The following PPIB variants were observed in gnomAD, a reference collection of about 807,000 sequenced individuals.
The protein encoded by PPIB is peptidylprolyl isomerase B.
PPIB carries 15 observed loss-of-function variants against 20.1 expected under a neutral mutation model. The observed-to-expected ratio is 0.75, with a 90% CI of 0.50 to 1.15. The LOEUF (loss-of-function observed/expected upper bound fraction) is 1.15. PPIB is among the 50% of genes most tolerant of loss of function. The probability of loss-of-function intolerance (pLI) is 0.00; values close to 1 mark genes in which losing one functional copy is unlikely to be tolerated. For missense variants in PPIB, 278 were observed against 283.0 expected (o/e 0.98, Z 0.13); for synonymous variants, 129 against 111.0 (o/e 1.16, Z -1.02).
chr15:64,160,227 T>G lies in PPIB; in HGVS notation c.250-30A>C. ...AAAAAGGGAAGAGAAGGTAAGGAGG[T>G]GGTATGGGGCAGCAGGAAGACATTA... On this transcript the variant is annotated intron_variant, in intron 2 of 4. Transcript: ENST00000300026. The surrounding 1 kb of genome is among the most constrained non-coding windows in gnomAD (Gnocchi z 4.8). The G allele has an allele frequency of 6.5e-7, 1 of 1,547,022 alleles. No individual in the cohort carries two copies. Among genetic ancestry groups the G allele is most frequent in the Non-Finnish European group, 8.9e-7 (1 of 1,119,116 alleles).
Position 64,156,658 on chromosome 15 carries a change from G to A in PPIB, c.528+67C>T, listed in dbSNP as rs1022506470. 5 of 1,583,516 alleles carry A rather than the reference G, an allele frequency of 3.2e-6. No homozygotes were observed. The African/African-American group carries it at 5.4e-5, about 17-fold the overall frequency. ...AAAGGGATGGACACATGGAGCTCCT[G>A]CCCTGGGGTCTGTGTTGAATCCCCG... is the stretch of plus-strand genomic sequence containing the variant. On this transcript the variant is annotated intron_variant, in intron 4 of 4. Transcript: ENST00000300026. The surrounding 1 kb of genome is among the most constrained non-coding windows in gnomAD (Gnocchi z 6.4).
chr15:64,162,811 C>T (rs780639176), intron 1 of PPIB, 41 bp downstream of exon 1: 121 of 1,598,542 alleles, frequency 7.6e-5, no homozygotes, highest in Non-Finnish European at 1.0e-4. Context: ...GCCGCCCGGG[C>T]CCGAGCTCCG....
chr15:64,156,547 G>T lies in PPIB; in HGVS notation c.528+178C>A. ...TGGCTGGGCTCTGAGGGGGCTGGAA[G>T]AATTTAGAACCTTGGAGGCATGGAG... is the stretch of plus-strand genomic sequence containing the variant. On this transcript the variant is annotated intron_variant, in intron 4 of 4. Transcript: ENST00000300026. This position sits in a 1 kb window ranked among gnomAD's most constrained non-coding sequence, Gnocchi z 6.4. The T allele has an allele frequency of 1.2e-6, 1 of 825,370 alleles. No homozygotes were observed. 51.1% of individuals were successfully genotyped at this position (825,370 alleles called of 1,614,324 possible). A position where few individuals can be genotyped will look rare whatever the true frequency, so the allele number is the denominator to read the frequency against.
rs559300402 is a variant in PPIB, at chr15:64,163,022, G to A, written c.-36C>T. 6.2e-6 allele frequency: 10 copies of A among 1,608,228 alleles called. No individual in the cohort carries two copies. Among genetic ancestry groups the A allele is most frequent in the East Asian group, 2.2e-5 (1 of 44,686 alleles). On this transcript the variant is annotated 5_prime_UTR_variant, in exon 1 of 5. Transcript: ENST00000300026. ...AGGCGAAAGCAGCCCGGACAGCTGA[G>A]GCCGGAAGAGGGTGGGGCCGCGGTG...
rs1403135304 is a variant in PPIB, at chr15:64,157,046, G to A, written c.344-137C>T. 3.2e-6 allele frequency: 3 copies of A among 934,510 alleles called. No homozygotes were observed. The highest frequency in any genetic ancestry group is 4.8e-6 in the Non-Finnish European group (3 of 629,994). The allele number at this position is 934,510 out of a possible 1,614,324, so 57.9% of individuals were successfully genotyped here. ...AGTGGACTACAAGGACATAAAAGCA[G>A]CGTCCTTCCTATCTTCTGGCCTCAG... On this transcript the variant is annotated intron_variant, in intron 3 of 4. Coordinates refer to ENST00000300026, the MANE Select transcript of PPIB (RefSeq NM_000942.5). The surrounding 1 kb of genome is among the most constrained non-coding windows in gnomAD (Gnocchi z 4.2).
chr15:64,159,024 A>G lies in PPIB; in HGVS notation c.343+1080T>C, dbSNP rs2081550412. Among the ~76,000 whole-genome samples, 1 of 152,156 alleles carries G rather than the reference A, an allele frequency of 6.6e-6. No individual in the cohort carries two copies. Among genetic ancestry groups the G allele is most frequent in the African/African-American group, 2.4e-5 (1 of 41,424 alleles). On this transcript the variant is annotated intron_variant, in intron 3 of 4. Transcript: ENST00000300026. The surrounding 1 kb of genome is among the most constrained non-coding windows in gnomAD (Gnocchi z 5.1). ...GGACTCACTTGCCTGAGGTCACAAA[A>G]CAAGAAGGTGGCAGACACTGGATCG...
Position 64,161,725 on chromosome 15 carries a change from C to CAAA in PPIB, c.249+313_249+315dup, listed in dbSNP as rs553065605. On this transcript the variant is annotated intron_variant, in intron 2 of 4. Coordinates refer to ENST00000300026, the MANE Select transcript of PPIB (RefSeq NM_000942.5). This position sits in a 1 kb window ranked among gnomAD's most constrained non-coding sequence, Gnocchi z 4.2. ...AGGCGACAAGAGTGAAACTCCGTCT[C>CAAA]AAAAAAAAAAAAAAATTTGCGGGGG... 2.2e-5 allele frequency among the ~76,000 whole-genome samples: 3 copies of CAAA among 135,178 alleles called. No homozygotes were observed. Among genetic ancestry groups the CAAA allele is most frequent in the Admixed American group, 1.5e-4 (2 of 13,200 alleles). The allele number at this position is 135,178 out of a possible 152,430, so 88.7% of individuals were successfully genotyped here.
Position 64,156,853 on chromosome 15 carries a change from C to T in PPIB, c.400G>A (p.Gly134Arg), listed in dbSNP as rs1174043128. The T allele has an allele frequency of 5.0e-6, 8 of 1,614,206 alleles. No homozygotes were observed. Among genetic ancestry groups the T allele is most frequent in the East Asian group, 4.5e-5 (2 of 44,882 alleles). Reference sequence around the variant, plus strand: ...TTGGCCATGCTCACCCAGCCAGGCCCGTAGTGCTTCAGTTTGAAGTTCTCA... The same window carrying T: ...TTGGCCATGCTCACCCAGCCAGGCCTGTAGTGCTTCAGTTTGAAGTTCTCA... ...PDENFKLKHY[G>R]PGWVSMANAG... The change falls in exon 4 of 5, where the codon GGG becomes AGG. Residue 134 changes from glycine to arginine, a missense_variant. Physicochemically the swap from Gly to Arg is moderately radical, Grantham distance 125 (BLOSUM62 -2). Coordinates refer to ENST00000300026, the MANE Select transcript of PPIB (RefSeq NM_000942.5). This position sits in a 1 kb window ranked among gnomAD's most constrained non-coding sequence, Gnocchi z 6.4.
Position 64,156,308 on chromosome 15 carries a change from G to T in PPIB, c.529-163C>A. 2 of 935,130 alleles carry T rather than the reference G, an allele frequency of 2.1e-6. No homozygotes were observed. The highest frequency in any genetic ancestry group is 1.7e-6 in the Non-Finnish European group (1 of 600,018). 57.9% of individuals were successfully genotyped at this position (935,130 alleles called of 1,614,324 possible). On this transcript the variant is annotated intron_variant, in intron 4 of 4. Coordinates refer to ENST00000300026, the MANE Select transcript of PPIB (RefSeq NM_000942.5). This position sits in a 1 kb window ranked among gnomAD's most constrained non-coding sequence, Gnocchi z 6.4. ...TCTAACAGACTCCTGGCCAGAGCAG[G>T]GAGAATGCAGATTTGACGAGGGGGT... is the stretch of plus-strand genomic sequence containing the variant.
Position 64,159,986 on chromosome 15 carries a change from A to G in PPIB, c.343+118T>C, listed in dbSNP as rs1596030279. ...GCTGGTCTCAAAGTAGGTAAGTAAT[A>G]AGTAGGCCTGCCTCTAGAGCTGGGG... On this transcript the variant is annotated intron_variant, in intron 3 of 4. Coordinates refer to ENST00000300026, the MANE Select transcript of PPIB (RefSeq NM_000942.5). This position sits in a 1 kb window ranked among gnomAD's most constrained non-coding sequence, Gnocchi z 5.1. The G allele has an allele frequency of 1.1e-6, 1 of 881,336 alleles. No individual in the cohort carries two copies. Among genetic ancestry groups the G allele is most frequent in the East Asian group, 2.5e-5 (1 of 39,770 alleles). The allele number at this position is 881,336 out of a possible 1,614,324, so 54.6% of individuals were successfully genotyped here.
In PPIB at chr15:64,159,505, A is replaced by G. The variant is rs377123900; in HGVS notation, c.343+599T>C. On this transcript the variant is annotated intron_variant, in intron 3 of 4. Coordinates refer to ENST00000300026, the MANE Select transcript of PPIB (RefSeq NM_000942.5). This position sits in a 1 kb window ranked among gnomAD's most constrained non-coding sequence, Gnocchi z 5.1. ...AACCTCCGCCTCCCAGGTTCAAGCA[A>G]TTCTCCTGCCTCAGCCTCCCAAGTA... The G allele has an allele frequency of 6.3e-6, 1 of 158,174 alleles. No individual in the cohort carries two copies. The highest frequency in any genetic ancestry group is 1.4e-5 in the Non-Finnish European group (1 of 71,588). 9.8% of individuals were successfully genotyped at this position (158,174 alleles called of 1,614,324 possible). A position where few individuals can be genotyped will look rare whatever the true frequency, so the allele number is the denominator to read the frequency against.
In PPIB at chr15:64,157,355, G is replaced by C; in HGVS notation, c.344-446C>G. 5.2e-6 allele frequency: 1 copy of C among 193,102 alleles called. No individual in the cohort carries two copies. Among genetic ancestry groups the C allele is most frequent in the Non-Finnish European group, 1.1e-5 (1 of 92,144 alleles). The allele number at this position is 193,102 out of a possible 1,614,324, so 12.0% of individuals were successfully genotyped here. A position where few individuals can be genotyped will look rare whatever the true frequency, so the allele number is the denominator to read the frequency against. On this transcript the variant is annotated intron_variant, in intron 3 of 4. Transcript: ENST00000300026. The surrounding 1 kb of genome is among the most constrained non-coding windows in gnomAD (Gnocchi z 4.2). Reference sequence around the variant, plus strand: ...TATGAGCACAAAAGACACAGGCATAGCTGCAGAGGAGAAAGCAGCCAGAGA... The same window carrying C: ...TATGAGCACAAAAGACACAGGCATACCTGCAGAGGAGAAAGCAGCCAGAGA...
Position 64,156,029 on chromosome 15 carries a change from C to T in PPIB, c.645G>A (p.Lys215=). The T allele has an allele frequency of 1.2e-6, 2 of 1,614,188 alleles. No individual in the cohort carries two copies. The highest frequency in any genetic ancestry group is 1.7e-6 in the Non-Finnish European group (2 of 1,180,032). ...IEVEKPFAIA[K]E ...AGAAAGATGTCCCTGTGCCCTACTC[C>T]TTGGCGATGGCAAAGGGCTTCTCCA... Residue 215 remains lysine, a synonymous_variant, in exon 5 of 5, where the codon AAG becomes AAA. Transcript: ENST00000300026. The surrounding 1 kb of genome is among the most constrained non-coding windows in gnomAD (Gnocchi z 6.4).
Position 64,156,988 on chromosome 15 carries a change from G to GC in PPIB, c.344-80dup. On this transcript the variant is annotated intron_variant, in intron 3 of 4. Transcript: ENST00000300026. This position sits in a 1 kb window ranked among gnomAD's most constrained non-coding sequence, Gnocchi z 6.4. ...GACATTCGGGGCCAGGACTGAGGGG[G>GC]CTTAACCTGTCCTCTGTGCCAGGCT... is the stretch of plus-strand genomic sequence containing the variant. The GC allele has an allele frequency of 6.9e-7, 1 of 1,442,312 alleles. No homozygotes were observed. 89.3% of individuals were successfully genotyped at this position (1,442,312 alleles called of 1,614,324 possible). A position where few individuals can be genotyped will look rare whatever the true frequency, so the allele number is the denominator to read the frequency against.
In PPIB at chr15:64,160,760, C is replaced by T. The variant is rs1320753962; in HGVS notation, c.250-563G>A. Reference sequence around the variant, plus strand: ...CTCCCAGGTTCAAGCGATTCTCCAGCCTCAGCCTCCTGAGTAGCTGGGATT... The same window carrying T: ...CTCCCAGGTTCAAGCGATTCTCCAGTCTCAGCCTCCTGAGTAGCTGGGATT... On this transcript the variant is annotated intron_variant, in intron 2 of 4. Transcript: ENST00000300026. This position sits in a 1 kb window ranked among gnomAD's most constrained non-coding sequence, Gnocchi z 4.8. Among the ~76,000 whole-genome samples, 2 of 152,180 alleles carry T rather than the reference C, an allele frequency of 1.3e-5. No individual in the cohort carries two copies. Among genetic ancestry groups the T allele is most frequent in the Non-Finnish European group, 2.9e-5 (2 of 68,028 alleles).
chr15:64,162,048 G>A lies in PPIB; in HGVS notation c.242C>T (p.Thr81Ile). 6.2e-7 allele frequency: 1 copy of A among 1,610,632 alleles called. No individual in the cohort carries two copies. The highest frequency in any genetic ancestry group is 8.5e-7 in the Non-Finnish European group (1 of 1,176,836). ...KTVDNFVALA[T>I]GEKGFGYKNS... The stretch of plus-strand genomic sequence containing the variant: ...CCTGCTCCAGCCACTTACCTCTCCT[G>A]TAGCTAAGGCCACAAAATTATCCAC... The change falls in exon 2 of 5, where the codon ACA (threonine) becomes ATA (isoleucine). Residue 81 changes from threonine (T) to isoleucine (I), a missense_variant. Transcript: ENST00000300026.
At position 64,156,887 on chromosome 15, in the gene PPIB, G is replaced by C. The variant is rs1220520351; in HGVS notation, c.366C>G (p.Arg122=). 1.2e-6 allele frequency: 2 copies of C among 1,614,192 alleles called. No homozygotes were observed. Among genetic ancestry groups the C allele is most frequent in the Non-Finnish European group, 1.7e-6 (2 of 1,180,032 alleles). ...TCAGTTTGAAGTTCTCATCGGGGAA[G>C]CGCTCACCGTAGATGCTCTTTCCTG... is the stretch of plus-strand genomic sequence containing the variant. ...GTGGKSIYGE[R]FPDENFKLKH... Residue 122 remains arginine, a synonymous_variant, in exon 4 of 5, where the codon CGC becomes CGG. Coordinates refer to ENST00000300026, the MANE Select transcript of PPIB (RefSeq NM_000942.5). The surrounding 1 kb of genome is among the most constrained non-coding windows in gnomAD (Gnocchi z 6.4).
In PPIB at chr15:64,156,613, G is replaced by A. The variant is rs2081533564; in HGVS notation, c.528+112C>T. Reference sequence around the variant, plus strand: ...TGGACAGGAGCACTGGGCTGCATCTGTGGGTTGGGTCCTTTTGGGAAAGGG... The same window carrying A: ...TGGACAGGAGCACTGGGCTGCATCTATGGGTTGGGTCCTTTTGGGAAAGGG... On this transcript the variant is annotated intron_variant, in intron 4 of 4. Coordinates refer to ENST00000300026, the MANE Select transcript of PPIB (RefSeq NM_000942.5). This position sits in a 1 kb window ranked among gnomAD's most constrained non-coding sequence, Gnocchi z 6.4. 5.4e-6 allele frequency: 7 copies of A among 1,295,908 alleles called. No individual in the cohort carries two copies. The highest frequency in any genetic ancestry group is 5.6e-6 in the Non-Finnish European group (5 of 891,076). 80.3% of individuals were successfully genotyped at this position (1,295,908 alleles called of 1,614,324 possible).
rs1277859460 is a variant in PPIB, at chr15:64,161,225, G to T, written c.249+816C>A. ...GATCTACCCGCCTCAGCCTCCCAAA[G>T]TGCTGGGACTACAGGCATGAGTTAC... On this transcript the variant is annotated intron_variant, in intron 2 of 4. Transcript: ENST00000300026. The surrounding 1 kb of genome is among the most constrained non-coding windows in gnomAD (Gnocchi z 4.2). Among the ~76,000 whole-genome samples the T allele has an allele frequency of 2.0e-5, 3 of 151,968 alleles. No individual in the cohort carries two copies. The highest frequency in any genetic ancestry group is 7.3e-5 in the African/African-American group (3 of 41,374).
Sources: gnomAD v4.1 joint callset for allele counts (sites outside exome capture counted in the v4.1 genomes callset) on GRCh38, gnomAD v4.1.1 for gene constraint, Gnocchi (gnomAD v3.1) non-coding constraint, MANE v1.5 for transcripts, NCBI Gene and HGNC (gene_info 2026-07-23, HGNC 2026-07-21) for gene names.